Variants in ODAD2 observed in about 807,000 individuals in gnomAD.
ODAD2 encodes the protein outer dynein arm docking complex subunit 2.
In ODAD2, 89 loss-of-function variants were observed where a neutral mutation model predicts 106.8. That is an observed-to-expected ratio of 0.83 (90% CI 0.70 to 0.99). The LOEUF is 0.99. Among genes scored for constraint, ODAD2 ranks in the 50% least tolerant of loss-of-function variants. The pLI, the probability that ODAD2 is intolerant of heterozygous loss-of-function variation, is 0.00. For missense variants in ODAD2, 1,168 were observed against 1,238.5 expected (o/e 0.94, Z 0.85); for synonymous variants, 404 against 436.2 (o/e 0.93, Z 0.92).
At chr10:27,946,690 T>C (rs949509075) in intron 10 of ODAD2, among the ~76,000 whole-genome samples, 2 of 152,158 alleles carry the variant, frequency 1.3e-5, no homozygotes, top group African/African-American at 4.8e-5. Context: ...TACCATGTCT[T>C]ATATATAATA....
chr10:27,923,996 A>AGAG (rs1844999216), intron 16 of ODAD2, among the ~76,000 whole-genome samples: 2 of 139,724 alleles, frequency 1.4e-5, no homozygotes, highest in African/African-American at 5.5e-5. Context: ...GAAAGAAAGA[A>AGAG]AGAAAGAAAG....
chr10:27,885,062 T>C (rs2133608596), intron 17 of ODAD2, among the ~76,000 whole-genome samples: 1 of 150,620 alleles, frequency 6.6e-6, no homozygotes, highest in Admixed American at 6.6e-5. Context: ...AGGGAACAAA[T>C]CTCCCAAAAC....
chr10:27,860,126 A>G (rs1248120444), intron 19 of ODAD2, among the ~76,000 whole-genome samples: 3 of 152,162 alleles, frequency 2.0e-5, no homozygotes, highest in African/African-American at 7.2e-5. Flanking sequence ...GAAAAATTCT[A>G]TCTCCATACA....
chr10:27,856,586 TCTCTCCA>T (rs992587042), intron 19 of ODAD2, among the ~76,000 whole-genome samples: 27 of 152,078 alleles, frequency 1.8e-4, no homozygotes, highest in Non-Finnish European at 3.4e-4. Flanking sequence ...AATTTCTGAA[TCTCTCCA>T]CTCTCCACTC....
chr10:27,988,741 G>A (rs565347404), intron 2 of ODAD2, among the ~76,000 whole-genome samples: 9 of 152,132 alleles, frequency 5.9e-5, no homozygotes, highest in African/African-American at 1.9e-4. Context: ...TATTACTGAC[G>A]ATCTCACTAG....
intron 7 of ODAD2, among the ~76,000 whole-genome samples, chr10:27,977,546 G>C (rs1262586041): frequency 6.6e-6 from 1 of 152,062 alleles, no homozygotes; most frequent in South Asian, 2.1e-4. Flanking sequence ...ACTCCAGCCT[G>C]AGTGACAGAG....
chr10:27,922,165 A>AG (rs1379894520), intron 16 of ODAD2, among the ~76,000 whole-genome samples: 8 of 151,280 alleles, frequency 5.3e-5, no homozygotes, highest in African/African-American at 1.5e-4. Context: ...AAAAAAAAAA[A>AG]AAAGAAAGAA....
At position 27,985,046 on chromosome 10, in the gene ODAD2, A is replaced by G. The variant is rs1458278373; in HGVS notation, c.548T>C (p.Leu183Pro). Residue 183 changes from leucine (L) to proline (P), a missense_variant, in exon 4 of 20, where the codon CTC (leucine) becomes CCC (proline). Leu to Pro is a moderately conservative substitution (Grantham distance 98). This residue lies in a region of ODAD2 where 430 missense variants were observed against 452.2 expected (regional missense o/e 0.95). Transcript: ENST00000305242. ...TGAAATATGTTTTAGAGAATGATTG[A>G]GGAGGTGCAGATCCAATTGCTTAAG... Reference protein sequence around the residue: ...MLLKQLDLHLLNHSLKHISLE... With the variant: ...MLLKQLDLHLPNHSLKHISLE... 2.5e-6 allele frequency: 4 copies of G among 1,608,748 alleles called. No homozygotes were observed. The highest frequency in any genetic ancestry group is 4.5e-5 in the East Asian group (2 of 44,792).
intron 19 of ODAD2, among the ~76,000 whole-genome samples, chr10:27,851,544 T>C (rs1430268286): frequency 2.6e-5 from 4 of 151,772 alleles, no homozygotes; most frequent in African/African-American, 4.8e-5. Flanking sequence ...ATTGCAGATG[T>C]AAAACACACT....
At chr10:27,958,642 T>A (rs1270976011) in intron 10 of ODAD2, among the ~76,000 whole-genome samples, 1 of 152,234 alleles carries the variant, frequency 6.6e-6, no homozygotes, top group African/African-American at 2.4e-5. Flanking sequence ...TAAGTCTCCA[T>A]GCCACACATT....
intron 19 of ODAD2, among the ~76,000 whole-genome samples, chr10:27,815,039 G>T (rs537099891): frequency 3.9e-5 from 6 of 152,184 alleles, no homozygotes; most frequent in African/African-American, 1.4e-4. Flanking sequence ...CCCATTTCCA[G>T]AAGATGACCA....
intron 17 of ODAD2, among the ~76,000 whole-genome samples, chr10:27,863,818 ATT>A (rs112482791): frequency 2.7e-5 from 4 of 148,056 alleles, no homozygotes; most frequent in African/African-American, 9.9e-5. Context: ...AGAGAAGGTG[ATT>A]TTTTTTTTTT....
At position 27,995,178 on chromosome 10, in the gene ODAD2, G is replaced by C. The variant is rs766779793; in HGVS notation, c.-36C>G. 1.9e-6 allele frequency: 3 copies of C among 1,609,420 alleles called. No individual in the cohort carries two copies. The highest frequency in any genetic ancestry group is 2.2e-5 in the South Asian group (2 of 90,732). ...GTGCTCAGACCTGAGCTTAGCACAC[G>C]CACTACATCAGAGCAGAAAGAGAAA... On this transcript the variant is annotated splice_region_variant and 5_prime_UTR_variant, in exon 2 of 20. Coordinates refer to ENST00000305242, the MANE Select transcript of ODAD2 (RefSeq NM_018076.5).
intron 2 of ODAD2, among the ~76,000 whole-genome samples, chr10:27,988,618 G>GT (rs1850030325): frequency 6.6e-6 from 1 of 152,006 alleles, no homozygotes. Flanking sequence ...GATTACAGGC[G>GT]TGAGCTACCA....
At chr10:27,836,930 G>T (rs569443366) in intron 19 of ODAD2, among the ~76,000 whole-genome samples, 16 of 152,076 alleles carry the variant, frequency 1.1e-4, no homozygotes, top group Non-Finnish European at 1.9e-4. Context: ...TCACGACTAA[G>T]CCTCAAAGAT....
intron 16 of ODAD2, among the ~76,000 whole-genome samples, chr10:27,919,532 T>G (rs1017120419): frequency 1.3e-5 from 2 of 152,014 alleles, no homozygotes; most frequent in African/African-American, 4.8e-5. Context: ...TATATACAAA[T>G]TGGTAATAAA....
At chr10:27,987,298 C>T in intron 3 of ODAD2, 88 bp downstream of exon 3, 1 of 1,206,604 alleles carries the variant, frequency 8.3e-7, no homozygotes, top group Non-Finnish European at 1.2e-6. Context: ...TCAAGAGACT[C>T]TAACAAATGA....
chr10:27,929,115 G>C (rs80332328), intron 16 of ODAD2, among the ~76,000 whole-genome samples: 9,315 of 152,172 alleles, frequency 0.061, 366 homozygotes, highest in East Asian at 0.18. Flanking sequence ...TAATCATGTA[G>C]ACTGTACAGA....
At chr10:27,997,114 T>C (rs1850602285) in intron 1 of ODAD2, among the ~76,000 whole-genome samples, 1 of 152,172 alleles carries the variant, frequency 6.6e-6, no homozygotes, top group African/African-American at 2.4e-5. Context: ...TATACCAAAG[T>C]GGTCATGAAA....
Sources: gnomAD v4.1 joint callset for allele counts (sites outside exome capture counted in the v4.1 genomes callset) on GRCh38, gnomAD v4.1.1 for gene constraint, gnomAD v4.1.1 regional missense constraint, MANE v1.5 for transcripts, NCBI Gene and HGNC (gene_info 2026-07-23, HGNC 2026-07-21) for gene names.